CHST11: variants seen among roughly 807,000 people sequenced by gnomAD.
CHST11 encodes C4S-1.
CHST11 carries 9 observed loss-of-function variants against 30.4 expected under a neutral mutation model. That is an observed-to-expected ratio of 0.30 (90% CI 0.18 to 0.52). The LOEUF (loss-of-function observed/expected upper bound fraction) is 0.52, where lower values mean the gene tolerates loss of function less well. Among genes scored for constraint, CHST11 ranks in the 20% least tolerant of loss-of-function variants. The pLI is 0.97. For missense variants in CHST11, 348 were observed against 460.6 expected, an observed-to-expected ratio of 0.76 and a Z score of 2.24; for synonymous variants, 152 against 187.8, an observed-to-expected ratio of 0.81 and a Z score of 1.56.
intron 1 of CHST11, among the ~76,000 whole-genome samples, chr12:104,521,900 TG>T (rs1261202782): frequency 1.3e-5 from 2 of 152,122 alleles, no homozygotes. Context: ...TCACCCAGGC[TG>T]GGGCAGGCTG....
chr12:104,676,571 C>T lies in CHST11; in HGVS notation c.204+74580C>T, dbSNP rs533566148. ...CCGGGACTGCAGACATGTGCCACCA[C>T]GCCTGGCTAATTTTTGTATTTTTAG... On this transcript the variant is annotated intron_variant, in intron 2 of 2. Transcript: ENST00000303694. This position sits in a 1 kb window ranked among gnomAD's most constrained non-coding sequence, Gnocchi z 4.4. Among the ~76,000 whole-genome samples the T allele has an allele frequency of 1.1e-3, 167 of 152,328 alleles. No homozygotes were observed. Among genetic ancestry groups the T allele is most frequent in the Non-Finnish European group, 1.6e-3 (112 of 68,028 alleles).
At chr12:104,669,977 A>G (rs2039674986) in intron 2 of CHST11, among the ~76,000 whole-genome samples, 1 of 152,264 alleles carries the variant, frequency 6.6e-6, no homozygotes, top group African/African-American at 2.4e-5. Flanking sequence ...AAATTGCTCA[A>G]CTCAACAAAT....
At chr12:104,514,152 T>G in intron 1 of CHST11, 2 of 1,090,762 alleles carry the variant, frequency 1.8e-6, no homozygotes, top group South Asian at 2.5e-5. Flanking sequence ...ACAGCCTTCC[T>G]ACAGCAGTTC....
chr12:104,474,094 A>G lies in CHST11; in HGVS notation c.118+16565A>G, dbSNP rs367719113. Among the ~76,000 whole-genome samples, 31 of 152,334 alleles carry G rather than the reference A, an allele frequency of 2.0e-4. No individual in the cohort carries two copies. In the East Asian group the frequency reaches 5.0e-3, roughly 25 times the overall value. ...TCTGGATTTACACTTGCAAACTTATAAAGATTTAGGGATTAGAGATTGGAA... is the reference window on the plus strand; with the variant it reads ...TCTGGATTTACACTTGCAAACTTATGAAGATTTAGGGATTAGAGATTGGAA... On this transcript the variant is annotated intron_variant, in intron 1 of 2. Coordinates refer to ENST00000303694, the MANE Select transcript of CHST11 (RefSeq NM_018413.6).
At chr12:104,679,389 G>A (rs1199240212) in intron 2 of CHST11, among the ~76,000 whole-genome samples, 5 of 152,264 alleles carry the variant, frequency 3.3e-5, no homozygotes, top group African/African-American at 9.6e-5. Context: ...GGTACCCACC[G>A]AGGCCTGGAA....
In CHST11 at chr12:104,600,028, G is replaced by A. The variant is rs1267480120; in HGVS notation, c.119-1878G>A. Among the ~76,000 whole-genome samples, 2 of 152,224 alleles carry A rather than the reference G, an allele frequency of 1.3e-5. No homozygotes were observed. Among genetic ancestry groups the A allele is most frequent in the Non-Finnish European group, 2.9e-5 (2 of 68,042 alleles). On this transcript the variant is annotated intron_variant, in intron 1 of 2. Coordinates refer to ENST00000303694, the MANE Select transcript of CHST11 (RefSeq NM_018413.6). The surrounding 1 kb of genome is among the most constrained non-coding windows in gnomAD (Gnocchi z 4.1). ...CTGCGGAAGAGTTATGACAGAGACT[G>A]CAGGGTGCAAAGCCTAAATACTGTT...
Position 104,626,567 on chromosome 12 carries a change from G to C in CHST11, c.204+24576G>C, listed in dbSNP as rs757051709. Among the ~76,000 whole-genome samples the C allele has an allele frequency of 1.8e-3, 233 of 127,890 alleles. 2 individuals carry two copies. The highest frequency in any genetic ancestry group is 2.5e-3 in the Non-Finnish European group (157 of 63,616). 83.9% of individuals were successfully genotyped at this position (127,890 alleles called of 152,430 possible). A position where few individuals can be genotyped will look rare whatever the true frequency, so the allele number is the denominator to read the frequency against. On this transcript the variant is annotated intron_variant, in intron 2 of 2. Coordinates refer to ENST00000303694, the MANE Select transcript of CHST11 (RefSeq NM_018413.6). ...TTAATTGCCATTTCTGACTTGGGCA[G>C]CCTCCCCACCCAAAAAAAAAAAAAA...
chr12:104,641,292 A>AC (rs2039374410), intron 2 of CHST11, among the ~76,000 whole-genome samples: 1 of 152,194 alleles, frequency 6.6e-6, no homozygotes, highest in East Asian at 1.9e-4. Flanking sequence ...TGTCACATGG[A>AC]CCATCCACTG....
intron 2 of CHST11, among the ~76,000 whole-genome samples, chr12:104,605,829 A>AT (rs561341339): frequency 2.8e-4 from 42 of 152,298 alleles, no homozygotes; most frequent in Non-Finnish European, 4.9e-4. Flanking sequence ...ATTGTCAGCC[A>AT]TTAATAGGGC....
chr12:104,526,224 AAAG>A (rs200245580), intron 1 of CHST11, among the ~76,000 whole-genome samples: 2,835 of 150,900 alleles, frequency 0.019, 102 homozygotes, highest in East Asian at 0.15. Flanking sequence ...TTAAAAAAAA[AAAG>A]AAAAGAAAAG....
chr12:104,601,824 T>C, intron 1 of CHST11, 82 bp from the exon 2 acceptor site: 1 of 1,099,748 alleles, frequency 9.1e-7, no homozygotes, highest in East Asian at 2.4e-5. Context: ...CTGTTTCTTC[T>C]TCCCTACTCT....
chr12:104,457,157 CGAG>C lies in CHST11; in HGVS notation c.-245_-243del. Reference sequence around the variant, plus strand: ...GGGATCGGAGGAGGCGGCGGAGCGGCGAGGAGGAGGAGCAGGAGCGCGCAGCCA... The same window carrying C: ...GGGATCGGAGGAGGCGGCGGAGCGGCGAGGAGGAGCAGGAGCGCGCAGCCA... On this transcript the variant is annotated 5_prime_UTR_variant, in exon 1 of 3. Transcript: ENST00000303694. 4 of 304,686 alleles carry C rather than the reference CGAG, an allele frequency of 1.3e-5. No individual in the cohort carries two copies. The highest frequency in any genetic ancestry group is 1.8e-5 in the Non-Finnish European group (3 of 166,192). 18.9% of individuals were successfully genotyped at this position (304,686 alleles called of 1,614,324 possible).
intron 2 of CHST11, among the ~76,000 whole-genome samples, chr12:104,633,622 G>A (rs2039294734): frequency 6.6e-6 from 1 of 151,748 alleles, no homozygotes; most frequent in Non-Finnish European, 1.5e-5. Context: ...TCACCATGTT[G>A]GCCAGGCTGG....
intron 2 of CHST11, among the ~76,000 whole-genome samples, chr12:104,630,506 A>C (rs1241528528): frequency 6.6e-6 from 1 of 152,208 alleles, no homozygotes; most frequent in East Asian, 1.9e-4. Context: ...CAGTCCACCA[A>C]CTGGCTGGAA....
At chr12:104,582,161 G>T (rs552751092) in intron 1 of CHST11, among the ~76,000 whole-genome samples, 4 of 152,126 alleles carry the variant, frequency 2.6e-5, no homozygotes, top group Non-Finnish European at 4.4e-5. Flanking sequence ...AGTGCTTTCC[G>T]CTCATGTCCT....
At chr12:104,653,417 C>T (rs1446854623) in intron 2 of CHST11, among the ~76,000 whole-genome samples, 2 of 152,186 alleles carry the variant, frequency 1.3e-5, no homozygotes, top group African/African-American at 4.8e-5. Context: ...CTTTCTTCCA[C>T]CAGAGTTTAC....
intron 2 of CHST11, among the ~76,000 whole-genome samples, chr12:104,715,484 C>A (rs998743016): frequency 6.6e-6 from 1 of 152,112 alleles, no homozygotes; most frequent in African/African-American, 2.4e-5. Flanking sequence ...TATTAAGTGC[C>A]GGCTGCCAAG....
At chr12:104,731,742 A>G (rs2040260321) in intron 2 of CHST11, among the ~76,000 whole-genome samples, 1 of 152,264 alleles carries the variant, frequency 6.6e-6, no homozygotes, top group Non-Finnish European at 1.5e-5. Context: ...AGCACCAAGT[A>G]AAGGTTTCCT....
intron 2 of CHST11, among the ~76,000 whole-genome samples, chr12:104,631,866 G>C (rs910862871): frequency 6.6e-6 from 1 of 152,178 alleles, no homozygotes; most frequent in Non-Finnish European, 1.5e-5. Flanking sequence ...ACGAAGCTGG[G>C]CCTCCCTGCT....
Sources: allele counts gnomAD v4.1 joint callset (sites outside exome capture counted in the v4.1 genomes callset), GRCh38; gene constraint gnomAD v4.1.1; non-coding constraint Gnocchi (gnomAD v3.1); transcripts MANE v1.5; gene names NCBI Gene and HGNC (gene_info 2026-07-23, HGNC 2026-07-21).